Variants in ZGRF1 observed in about 807,000 individuals in gnomAD.
ZGRF1 encodes the protein 5'-3' DNA helicase ZGRF1.
A neutral mutation model predicts 203.5 loss-of-function variants in ZGRF1; 196 were observed. That is an observed-to-expected ratio of 0.96 (90% CI 0.86 to 1.08). The LOEUF is 1.08. ZGRF1 is among the 50% of genes least tolerant of loss of function. ZGRF1 has a pLI of 0.00. For synonymous variants in ZGRF1, 809 were observed against 841.3 expected, an observed-to-expected ratio of 0.96 and a Z score of 0.66; for missense variants, 2,326 against 2,416.3, an observed-to-expected ratio of 0.96 and a Z score of 0.78.
intron 3 of ZGRF1, among the ~76,000 whole-genome samples, chr4:112,625,628 G>A (rs1454802073): frequency 2.7e-5 from 4 of 149,728 alleles, no homozygotes; most frequent in Admixed American, 6.7e-5. Context: ...CAGGCGTGGT[G>A]GCTCACGTCT....
At chr4:112,595,870 A>G (rs1252474070) in intron 10 of ZGRF1, among the ~76,000 whole-genome samples, 1 of 152,234 alleles carries the variant, frequency 6.6e-6, no homozygotes, top group East Asian at 1.9e-4. Context: ...TTAGTGCTGT[A>G]TAACAAACTG....
At chr4:112,549,302 C>A (rs1030028900) in intron 22 of ZGRF1, among the ~76,000 whole-genome samples, 1 of 152,116 alleles carries the variant, frequency 6.6e-6, no homozygotes, top group Non-Finnish European at 1.5e-5. Context: ...ATAGGGAAAT[C>A]TATGAATTTT....
At chr4:112,566,225 T>C (rs1265615114) in intron 16 of ZGRF1, among the ~76,000 whole-genome samples, 2 of 150,926 alleles carry the variant, frequency 1.3e-5, no homozygotes, top group African/African-American at 4.9e-5. Context: ...TCATTCTCAG[T>C]AAACTATCAC....
At chr4:112,605,836 A>G (rs1475828731) in intron 9 of ZGRF1, 172 bp downstream of exon 9, 2 of 571,756 alleles carry the variant, frequency 3.5e-6, no homozygotes, top group African/African-American at 1.9e-5. Context: ...AAGACCAAAA[A>G]GGGGGGCAGG....
At chr4:112,631,791 G>C in intron 3 of ZGRF1, 139 bp downstream of exon 3, 1 of 470,624 alleles carries the variant, frequency 2.1e-6, no homozygotes, top group East Asian at 3.3e-5. Context: ...TGTGATATGG[G>C]GATCATTTGA....
At chr4:112,557,876 A>G (rs573106926) in intron 20 of ZGRF1, among the ~76,000 whole-genome samples, 20 of 152,316 alleles carry the variant, frequency 1.3e-4, no homozygotes, top group African/African-American at 4.8e-4. Context: ...TCCCCCAACA[A>G]TACCTCTCTA....
intron 7 of ZGRF1, chr4:112,611,053 T>C (rs747967977): frequency 4.6e-5 from 9 of 197,156 alleles, no homozygotes; most frequent in Non-Finnish European, 8.4e-5. Flanking sequence ...AAATCAACAT[T>C]ATTAAAAGGG....
Position 112,568,032 on chromosome 4 carries a change from A to C in ZGRF1, c.4439-4758T>G, listed in dbSNP as rs555335326. Reference sequence around the variant, plus strand: ...AATAGCAGGATGAATACATTTGAGGAATCAATAGCCAATTCAGATAATCAT... The same window carrying C: ...AATAGCAGGATGAATACATTTGAGGCATCAATAGCCAATTCAGATAATCAT... On this transcript the variant is annotated intron_variant, in intron 16 of 27. Transcript: ENST00000505019. Among the ~76,000 whole-genome samples the C allele has an allele frequency of 2.0e-5, 3 of 152,338 alleles. No homozygotes were observed. The South Asian group carries it at 6.2e-4, about 32-fold the overall frequency.
At chr4:112,540,529 C>T (rs1188746702) in intron 26 of ZGRF1, among the ~76,000 whole-genome samples, 2 of 152,108 alleles carry the variant, frequency 1.3e-5, no homozygotes, top group African/African-American at 4.8e-5. Flanking sequence ...GAGATTCAGT[C>T]CCATCTGTCT....
chr4:112,607,123 A>AT (rs1166212355), intron 8 of ZGRF1, among the ~76,000 whole-genome samples: 1 of 151,884 alleles, frequency 6.6e-6, no homozygotes, highest in Non-Finnish European at 1.5e-5. Flanking sequence ...TAGAATTAGA[A>AT]TTTTTTCTTT....
chr4:112,586,669 T>A (rs946186569), intron 12 of ZGRF1, 86 bp from the exon 13 acceptor site: 42 of 1,039,532 alleles, frequency 4.0e-5, no homozygotes, highest in Admixed American at 6.1e-5. Context: ...AGACATTTTT[T>A]AAAAATATTA....
chr4:112,623,617 G>GT, intron 4 of ZGRF1, among the ~76,000 whole-genome samples, 200 bp downstream of exon 4: 1 of 151,774 alleles, frequency 6.6e-6, no homozygotes, highest in African/African-American at 2.4e-5. Context: ...TAAAAATCAG[G>GT]TTTTTTTTAG....
At chr4:112,572,044 A>T (rs905628257) in intron 16 of ZGRF1, among the ~76,000 whole-genome samples, 4 of 152,216 alleles carry the variant, frequency 2.6e-5, no homozygotes, top group Non-Finnish European at 5.9e-5. Flanking sequence ...TCAATAAAAA[A>T]TGGTTACTAT....
chr4:112,569,358 C>T (rs530129968), intron 16 of ZGRF1, among the ~76,000 whole-genome samples: 2 of 152,192 alleles, frequency 1.3e-5, no homozygotes, highest in Non-Finnish European at 2.9e-5. Context: ...AGAAAGCTTG[C>T]TACAAATAAA....
At chr4:112,614,312 C>T (rs898528519) in intron 6 of ZGRF1, among the ~76,000 whole-genome samples, 1 of 152,180 alleles carries the variant, frequency 6.6e-6, no homozygotes, top group Admixed American at 6.5e-5. Flanking sequence ...TGCCTACTCC[C>T]TAAAGTTTAT....
At position 112,618,143 on chromosome 4, in the gene ZGRF1, T is replaced by G. The variant is rs528602615; in HGVS notation, c.1899A>C (p.Lys633Asn). The change falls in exon 6 of 28, where the codon AAA becomes AAC. Residue 633 changes from lysine to asparagine, a missense_variant. Lys to Asn is a moderately conservative substitution (Grantham distance 94, BLOSUM62 0). Transcript: ENST00000505019. ...ATGTGTCACTATACTCCTCTATTTC[T>G]TTTCCTGTGTTTTCAGTTTTACATA... ...MGICKTENTG[K>N]EIEEYSDTLS... is the part of the protein sequence containing the mutation. The G allele has an allele frequency of 3.2e-5, 52 of 1,613,770 alleles. No homozygotes were observed. In the Middle Eastern group the frequency reaches 6.6e-4, roughly 20 times the overall value.
chr4:112,567,559 C>A (rs1743356156), intron 16 of ZGRF1, among the ~76,000 whole-genome samples: 1 of 152,076 alleles, frequency 6.6e-6, no homozygotes, highest in Non-Finnish European at 1.5e-5. Flanking sequence ...ATTGCTTGAG[C>A]CCCAGAGTTT....
At chr4:112,589,677 C>T (rs1424651703) in intron 11 of ZGRF1, 47 bp downstream of exon 11, 6 of 1,547,686 alleles carry the variant, frequency 3.9e-6, no homozygotes, top group Non-Finnish European at 5.3e-6. Context: ...TAAAAAACTT[C>T]ATCTTAAATG....
intron 16 of ZGRF1, among the ~76,000 whole-genome samples, chr4:112,566,966 T>C (rs1366601347): frequency 2.0e-5 from 3 of 149,610 alleles, no homozygotes; most frequent in African/African-American, 7.4e-5. Context: ...AAAATCAGGG[T>C]AGCAATGCAA....
Sources: gnomAD v4.1 joint callset for allele counts (sites outside exome capture counted in the v4.1 genomes callset) on GRCh38, gnomAD v4.1.1 for gene constraint, MANE v1.5 for transcripts, NCBI Gene and HGNC (gene_info 2026-07-23, HGNC 2026-07-21) for gene names.